KCNMA1: variants seen among roughly 807,000 people sequenced by gnomAD.
KCNMA1 encodes Calcium-activated potassium channel subunit alpha-1.
Under a neutral mutation model 140.0 loss-of-function variants are expected in KCNMA1, and 29 were observed. The ratio of observed to expected loss-of-function variants is 0.21; its 90% CI spans 0.15 to 0.28. The LOEUF is 0.28. Among genes scored for constraint, KCNMA1 ranks in the 10% least tolerant of loss-of-function variants. The probability of loss-of-function intolerance (pLI) is 1.00; values close to 1 mark genes in which losing one functional copy is unlikely to be tolerated. For missense variants in KCNMA1, 880 were observed against 1,602.2 expected (o/e 0.55, Z 7.70); for synonymous variants, 612 against 611.9 (o/e 1.00, Z 0.00).
intron 15 of KCNMA1, among the ~76,000 whole-genome samples, chr10:77,030,013 G>A (rs1276929689): frequency 2.0e-5 from 3 of 152,214 alleles, no homozygotes; most frequent in Non-Finnish European, 4.4e-5. Flanking sequence ...ATAGGGGGAT[G>A]TGTTGCTTTC....
rs184786007 is a variant in KCNMA1 at position 77,097,980 on chromosome 10, C to A, written c.1224-7470G>T. ...CCAAGGTCAGAGGACAGACAACTGG[C>A]AGCCCCAGTGGGGAATACCGGGATG... On this transcript the variant is annotated intron_variant, in intron 9 of 27. Transcript: ENST00000286628. 1.7e-3 allele frequency among the ~76,000 whole-genome samples: 258 copies of A among 152,346 alleles called. 2 individuals are homozygous for A. The Middle Eastern group carries it at 0.017, about 10-fold the overall frequency.
intron 1 of KCNMA1, among the ~76,000 whole-genome samples, chr10:77,558,228 T>TA (rs552154288): frequency 3.8e-4 from 57 of 151,960 alleles, no homozygotes; most frequent in African/African-American, 1.4e-3. Context: ...ATTCTGATCT[T>TA]AAAAAAAATA....
At chr10:77,636,145 G>T in intron 1 of KCNMA1, 1 of 1,312,200 alleles carries the variant, frequency 7.6e-7, no homozygotes. Context: ...CGGTTCGCGC[G>T]TGAAGTCCCC....
chr10:77,257,777 G>A (rs892206028), intron 2 of KCNMA1, among the ~76,000 whole-genome samples: 5 of 152,154 alleles, frequency 3.3e-5, no homozygotes, highest in Non-Finnish European at 7.3e-5. Flanking sequence ...TTATAAAGGG[G>A]AGTTTCCCTG....
At position 76,919,982 on chromosome 10, in the gene KCNMA1, T is replaced by TTG. The variant is rs1196371060; in HGVS notation, c.2903-4935_2903-4934dup. Reference sequence around the variant, plus strand: ...AATACTAATGAGAAGGCAATGAGCATTGTGTGTGTGTGTGTGTGTGTGTGT... The same window carrying TTG: ...AATACTAATGAGAAGGCAATGAGCATTGTGTGTGTGTGTGTGTGTGTGTGTGT... On this transcript the variant is annotated intron_variant, in intron 23 of 27. Coordinates refer to ENST00000286628, the MANE Select transcript of KCNMA1 (RefSeq NM_001161352.2). Among the ~76,000 whole-genome samples, 647 of 77,570 alleles carry TTG rather than the reference T, an allele frequency of 8.3e-3. 15 individuals carry two copies. Among genetic ancestry groups the TTG allele is most frequent in the East Asian group, 0.018 (32 of 1,810 alleles). 50.9% of individuals were successfully genotyped at this position (77,570 alleles called of 152,430 possible). A position where few individuals can be genotyped will look rare whatever the true frequency, so the allele number is the denominator to read the frequency against.
chr10:76,968,055 T>C (rs990455710), intron 20 of KCNMA1, among the ~76,000 whole-genome samples: 3 of 152,108 alleles, frequency 2.0e-5, no homozygotes, highest in African/African-American at 7.2e-5. Context: ...TGATACGATA[T>C]ACACTAGCTT....
chr10:77,579,310 G>C (rs546672301), intron 1 of KCNMA1, among the ~76,000 whole-genome samples: 11 of 152,322 alleles, frequency 7.2e-5, no homozygotes, highest in Non-Finnish European at 8.8e-5. Flanking sequence ...AATGGCCACA[G>C]GTGTGTGCGA....
chr10:77,547,418 G>A (rs772532474), intron 1 of KCNMA1, among the ~76,000 whole-genome samples: 8 of 152,072 alleles, frequency 5.3e-5, no homozygotes, highest in Non-Finnish European at 7.4e-5. Context: ...GACAGCCCTC[G>A]CCTTTCATTT....
chr10:77,031,216 C>T (rs904068296), intron 15 of KCNMA1, among the ~76,000 whole-genome samples: 2 of 152,226 alleles, frequency 1.3e-5, no homozygotes, highest in African/African-American at 4.8e-5. Context: ...TTGGTAAGTA[C>T]AGTGTTTTTT....
intron 1 of KCNMA1, among the ~76,000 whole-genome samples, chr10:77,439,624 A>G (rs1425855622): frequency 1.3e-5 from 2 of 152,170 alleles, no homozygotes; most frequent in Non-Finnish European, 2.9e-5. Context: ...AAGTCAACCC[A>G]TGGGCTCTCT....
At chr10:76,897,824 A>G (rs2043243730) in intron 25 of KCNMA1, among the ~76,000 whole-genome samples, 1 of 152,022 alleles carries the variant, frequency 6.6e-6, no homozygotes, top group Non-Finnish European at 1.5e-5. Context: ...GAAAAATGAG[A>G]TGAGATAGAG....
chr10:77,555,071 C>T (rs1001512178), intron 1 of KCNMA1, among the ~76,000 whole-genome samples: 4 of 152,202 alleles, frequency 2.6e-5, no homozygotes, highest in African/African-American at 7.2e-5. Flanking sequence ...CACACGCACG[C>T]ACACCACAGG....
At chr10:76,917,452 C>A (rs1383153860) in intron 23 of KCNMA1, among the ~76,000 whole-genome samples, 1 of 152,154 alleles carries the variant, frequency 6.6e-6, no homozygotes, top group African/African-American at 2.4e-5. Flanking sequence ...TTAAAGATTC[C>A]ATTTTCAGCT....
chr10:77,076,833 C>T (rs1038767469), intron 13 of KCNMA1, among the ~76,000 whole-genome samples: 1 of 152,150 alleles, frequency 6.6e-6, no homozygotes, highest in Non-Finnish European at 1.5e-5. Flanking sequence ...CCCTCTAGGC[C>T]CTAGAATATT....
At chr10:77,494,194 G>T (rs1446221754) in intron 1 of KCNMA1, among the ~76,000 whole-genome samples, 1 of 152,232 alleles carries the variant, frequency 6.6e-6, no homozygotes, top group African/African-American at 2.4e-5. Context: ...AACTCACCAC[G>T]TTGCCTTTGA....
intron 1 of KCNMA1, chr10:77,493,792 G>A (rs1400711161): frequency 6.6e-6 from 1 of 152,218 alleles, no homozygotes; most frequent in Non-Finnish European, 1.5e-5. Context: ...CCTGTTAAAT[G>A]CTGACCTCTA....
chr10:77,057,126 T>C (rs768061792), intron 14 of KCNMA1, among the ~76,000 whole-genome samples: 3 of 152,042 alleles, frequency 2.0e-5, no homozygotes, highest in African/African-American at 7.2e-5. Flanking sequence ...CCTAGACACA[T>C]TGTAAGCAAA....
intron 2 of KCNMA1, among the ~76,000 whole-genome samples, chr10:77,372,001 G>T (rs2094761790): frequency 6.6e-6 from 1 of 152,164 alleles, no homozygotes; most frequent in South Asian, 2.1e-4. Flanking sequence ...GGTTCTTCCT[G>T]TTTGCACATC....
At chr10:77,367,819 G>A (rs560797582) in intron 2 of KCNMA1, among the ~76,000 whole-genome samples, 16 of 152,222 alleles carry the variant, frequency 1.1e-4, no homozygotes, top group Admixed American at 4.6e-4. Flanking sequence ...ACCTATTAAC[G>A]CTGGCTTTTT....
Sources: gnomAD v4.1 joint callset for allele counts (sites outside exome capture counted in the v4.1 genomes callset) on GRCh38, gnomAD v4.1.1 for gene constraint, MANE v1.5 for transcripts, NCBI Gene and HGNC (gene_info 2026-07-23, HGNC 2026-07-21) for gene names.